The following LEP variants were observed in gnomAD, a reference collection of about 807,000 sequenced individuals.
LEP encodes leptin (murine obesity homolog).
LEP carries 6 observed loss-of-function variants against 9.8 expected under a neutral mutation model. The ratio of observed to expected loss-of-function variants is 0.61; its 90% CI spans 0.34 to 1.21. The LOEUF is 1.21. Among genes scored for constraint, LEP ranks in the 50% most tolerant of loss-of-function variants. LEP has a pLI of 0.04. For missense variants in LEP, 134 were observed against 198.1 expected, an observed-to-expected ratio of 0.68 and a Z score of 1.94; for synonymous variants, 112 against 81.7, an observed-to-expected ratio of 1.37 and a Z score of -2.00.
chr7:128,242,926 G>C (rs949097391), intron 1 of LEP, among the ~76,000 whole-genome samples: 4 of 152,232 alleles, frequency 2.6e-5, no homozygotes, highest in Non-Finnish European at 5.9e-5. Flanking sequence ...CAGGAAGGTA[G>C]AGTCCTTGTG....
rs1251503014 is a variant in LEP, at chr7:128,255,535, C to T, written c.*772C>T. 6.6e-6 allele frequency: 1 copy of T among 152,170 alleles called. No homozygotes were observed. Among genetic ancestry groups the T allele is most frequent in the Non-Finnish European group, 1.5e-5 (1 of 68,082 alleles). 9.4% of individuals were successfully genotyped at this position (152,170 alleles called of 1,614,324 possible). A position where few individuals can be genotyped will look rare whatever the true frequency, so the allele number is the denominator to read the frequency against. On this transcript the variant is annotated 3_prime_UTR_variant, in exon 3 of 3. Coordinates refer to ENST00000308868, the MANE Select transcript of LEP (RefSeq NM_000230.3). ...AATGGTGTTGCCCTGAGTGGATCTC[C>T]AAGGACCAGGTTATTTTAAAAAGAT... is the stretch of plus-strand genomic sequence containing the variant.
chr7:128,241,758 T>G (rs1198409868), intron 1 of LEP, among the ~76,000 whole-genome samples: 1 of 152,206 alleles, frequency 6.6e-6, no homozygotes, highest in Non-Finnish European at 1.5e-5. Context: ...GAATTCAGGA[T>G]TCATTTTCCA....
rs369326860 is a variant in LEP at position 128,244,694 on chromosome 7, G to A, written c.-29+3388G>A. 3.9e-5 allele frequency among the ~76,000 whole-genome samples: 6 copies of A among 152,290 alleles called. No homozygotes were observed. The South Asian group carries it at 8.3e-4, about 21-fold the overall frequency. ...GACAGGGAGGGCCACCAGGCCTCAC[G>A]AGGACCCAGGAACCACAAAGAAGGC... On this transcript the variant is annotated intron_variant, in intron 1 of 2. Coordinates refer to ENST00000308868, the MANE Select transcript of LEP (RefSeq NM_000230.3).
At chr7:128,249,960 G>C (rs938607370) in intron 1 of LEP, among the ~76,000 whole-genome samples, 5 of 152,188 alleles carry the variant, frequency 3.3e-5, no homozygotes, top group Non-Finnish European at 5.9e-5. Context: ...GGTGATAGAG[G>C]GGGCTTGTAA....
chr7:128,248,758 G>A (rs946172577), intron 1 of LEP, among the ~76,000 whole-genome samples: 2 of 152,014 alleles, frequency 1.3e-5, no homozygotes, highest in Non-Finnish European at 2.9e-5. Flanking sequence ...GTACACTACC[G>A]AGGCTTCCCT....
chr7:128,253,896 G>T (rs1224405255), intron 2 of LEP, among the ~76,000 whole-genome samples: 1 of 152,220 alleles, frequency 6.6e-6, no homozygotes, highest in Non-Finnish European at 1.5e-5. Flanking sequence ...GCAGATGGAT[G>T]GGGAGAGCCT....
In LEP at chr7:128,252,023, A is replaced by G; in HGVS notation, c.5A>G (p.His2Arg). 1.2e-6 allele frequency: 2 copies of G among 1,614,184 alleles called. No homozygotes were observed. Among genetic ancestry groups the G allele is most frequent in the Non-Finnish European group, 1.7e-6 (2 of 1,180,020 alleles). Residue 2 changes from histidine to arginine, a missense_variant, in exon 2 of 3, where the codon CAT (histidine) becomes CGT (arginine). His to Arg is a conservative substitution (Grantham distance 29, BLOSUM62 0). Coordinates refer to ENST00000308868, the MANE Select transcript of LEP (RefSeq NM_000230.3). M[H>R]WGTLCGFLWL... ...AAGCCCATCCTGGGAAGGAAAATGC[A>G]TTGGGGAACCCTGTGCGGATTCTTG...
chr7:128,251,181 C>T (rs554774511), intron 1 of LEP, among the ~76,000 whole-genome samples: 1 of 152,292 alleles, frequency 6.6e-6, no homozygotes, highest in Admixed American at 6.5e-5. Context: ...TTGTACCTGC[C>T]CTTTTTGCAA....
chr7:128,248,339 G>A (rs1248596003), intron 1 of LEP, among the ~76,000 whole-genome samples: 2 of 152,134 alleles, frequency 1.3e-5, no homozygotes, highest in Non-Finnish European at 2.9e-5. Flanking sequence ...GGCTGAGGCA[G>A]GAAAATGGCT....
chr7:128,241,493 C>A (rs1036742001), intron 1 of LEP, among the ~76,000 whole-genome samples, 187 bp downstream of exon 1: 9 of 152,182 alleles, frequency 5.9e-5, no homozygotes, highest in Non-Finnish European at 5.9e-5. Flanking sequence ...AGCTGGGGAG[C>A]GTTGGATTTG....
chr7:128,253,603 G>A (rs993704346), intron 2 of LEP, among the ~76,000 whole-genome samples: 4 of 152,132 alleles, frequency 2.6e-5, no homozygotes, highest in Non-Finnish European at 4.4e-5. Context: ...AGACTTCCAC[G>A]TCTCCTGGTC....
chr7:128,255,755 G>A lies in LEP; in HGVS notation c.*992G>A, dbSNP rs886061976. On this transcript the variant is annotated 3_prime_UTR_variant, in exon 3 of 3. Coordinates refer to ENST00000308868, the MANE Select transcript of LEP (RefSeq NM_000230.3). ...TGAAAATAGCTCTTTCAGGGGGGTT[G>A]TGAGGCCTGGCCAGGCACCCCCTGG... 6.6e-6 allele frequency: 1 copy of A among 152,332 alleles called. No homozygotes were observed. The highest frequency in any genetic ancestry group is 2.1e-4 in the South Asian group (1 of 4,830). The allele number at this position is 152,332 out of a possible 1,614,324, so 9.4% of individuals were successfully genotyped here.
chr7:128,254,395 C>T lies in LEP; in HGVS notation c.145-9C>T. The T allele has an allele frequency of 6.2e-7, 1 of 1,612,434 alleles. No individual in the cohort carries two copies. Among genetic ancestry groups the T allele is most frequent in the South Asian group, 1.1e-5 (1 of 91,078 alleles). On this transcript the variant is annotated splice_polypyrimidine_tract_variant and intron_variant, in intron 2 of 2. Coordinates refer to ENST00000308868, the MANE Select transcript of LEP (RefSeq NM_000230.3). Reference sequence around the variant, plus strand: ...CTGAGCACTTGTTCTCCCTCTTCCTCCTGCATAGCAGTCAGTCTCCTCCAA... The same window carrying T: ...CTGAGCACTTGTTCTCCCTCTTCCTTCTGCATAGCAGTCAGTCTCCTCCAA...
intron 1 of LEP, among the ~76,000 whole-genome samples, chr7:128,244,592 A>G (rs1213580807): frequency 6.6e-6 from 1 of 152,240 alleles, no homozygotes; most frequent in Non-Finnish European, 1.5e-5. Context: ...TATCTGTCTC[A>G]AATGAAAAAT....
rs530223433 is a variant in LEP at position 128,250,367 on chromosome 7, A to C, written c.-28-1624A>C. Among the ~76,000 whole-genome samples, 7 of 152,270 alleles carry C rather than the reference A, an allele frequency of 4.6e-5. No individual in the cohort carries two copies. In the South Asian group the frequency reaches 1.5e-3, roughly 32 times the overall value. On this transcript the variant is annotated intron_variant, in intron 1 of 2. Transcript: ENST00000308868. The stretch of plus-strand genomic sequence containing the variant: ...AGTTGAGATGTGGGTACAATACCAT[A>C]GCTTTATTCCAGAGCAGGGTATTTG...
rs1795333991 is a variant in LEP at position 128,255,926 on chromosome 7, G to C, written c.*1163G>C. The C allele has an allele frequency of 6.6e-6, 1 of 152,256 alleles. No homozygotes were observed. The highest frequency in any genetic ancestry group is 1.5e-5 in the Non-Finnish European group (1 of 68,060). 9.4% of individuals were successfully genotyped at this position (152,256 alleles called of 1,614,324 possible). On this transcript the variant is annotated 3_prime_UTR_variant, in exon 3 of 3. Transcript: ENST00000308868. The stretch of plus-strand genomic sequence containing the variant: ...TGGCTTTCTCCGACTGCTAGGGAGT[G>C]GTCTTTCCTATCATGGAGTGACGGT...
chr7:128,252,661 G>A (rs1174127476), intron 2 of LEP, among the ~76,000 whole-genome samples: 1 of 152,232 alleles, frequency 6.6e-6, no homozygotes, highest in South Asian at 2.1e-4. Flanking sequence ...AGCCTGGGAG[G>A]TTGAGGCTGC....
At chr7:128,244,086 T>TA (rs11380467) in intron 1 of LEP, among the ~76,000 whole-genome samples, 132,813 of 148,454 alleles carry the variant, frequency 0.89, 59,708 homozygotes, top group East Asian at 0.98. Context: ...CCATCTCTAT[T>TA]AAAAAAAAAA....
chr7:128,247,199 C>G (rs568266509), intron 1 of LEP, among the ~76,000 whole-genome samples: 60 of 152,288 alleles, frequency 3.9e-4, no homozygotes, highest in African/African-American at 1.1e-3. Flanking sequence ...TTCTTCCACC[C>G]CAACCCATGC....
Sources: allele counts gnomAD v4.1 joint callset (sites outside exome capture counted in the v4.1 genomes callset), GRCh38; gene constraint gnomAD v4.1.1; transcripts MANE v1.5; gene names NCBI Gene and HGNC (gene_info 2026-07-23, HGNC 2026-07-21).